CXCL13: variants seen among roughly 807,000 people sequenced by gnomAD.
CXCL13 encodes the protein C-X-C motif chemokine 13.
In CXCL13, 7 loss-of-function variants were observed where a neutral mutation model predicts 12.2. The ratio of observed to expected loss-of-function variants is 0.57; its 90% CI spans 0.33 to 1.07. The LOEUF is 1.07. CXCL13 is among the 50% of genes least tolerant of loss of function. The probability of loss-of-function intolerance (pLI) is 0.04; values close to 1 mark genes in which losing one functional copy is unlikely to be tolerated. For synonymous variants in CXCL13, 47 were observed against 42.4 expected, an observed-to-expected ratio of 1.11 and a Z score of -0.42; for missense variants, 113 against 127.4, an observed-to-expected ratio of 0.89 and a Z score of 0.55.
intron 2 of CXCL13, among the ~76,000 whole-genome samples, chr4:77,610,068 T>C (rs569440364): frequency 1.3e-5 from 2 of 152,364 alleles, no homozygotes; most frequent in South Asian, 2.1e-4. Flanking sequence ...TATTGCTTAA[T>C]ATCTTAGAGC....
At chr4:77,582,642 CAT>C (rs1434727514) in intron 1 of CXCL13, among the ~76,000 whole-genome samples, 1 of 152,084 alleles carries the variant, frequency 6.6e-6, no homozygotes, top group Non-Finnish European at 1.5e-5. Flanking sequence ...TCTTGCAGGT[CAT>C]GGTAAGAGGT....
rs117211853 is a variant in CXCL13, at chr4:77,586,654, C to A, written c.-42-19170C>A. Among the ~76,000 whole-genome samples the A allele has an allele frequency of 1.2e-4, 19 of 152,258 alleles. No individual in the cohort carries two copies. The East Asian group carries it at 3.5e-3, about 28-fold the overall frequency. The stretch of plus-strand genomic sequence containing the variant: ...AGGATCTCTGACAGTGGAGAAATAA[C>A]GACTTTCTGATGGACTGCTAGGGTG... On this transcript the variant is annotated intron_variant, in intron 1 of 4. Transcript: ENST00000286758.
intron 1 of CXCL13, among the ~76,000 whole-genome samples, chr4:77,587,136 A>G (rs1427345085): frequency 6.6e-6 from 1 of 152,214 alleles, no homozygotes; most frequent in Non-Finnish European, 1.5e-5. Context: ...CTTGTCAACA[A>G]GTTAGTCAAC....
chr4:77,597,721 A>G (rs1022410805), intron 1 of CXCL13, among the ~76,000 whole-genome samples: 4 of 152,112 alleles, frequency 2.6e-5, no homozygotes, highest in African/African-American at 9.7e-5. Flanking sequence ...GAATGGTGGA[A>G]GTGCACAAAT....
intron 1 of CXCL13, among the ~76,000 whole-genome samples, chr4:77,588,602 T>C (rs1364300173): frequency 1.3e-5 from 2 of 152,234 alleles, no homozygotes; most frequent in Non-Finnish European, 2.9e-5. Flanking sequence ...TTGTCAACAG[T>C]GGAGCTTCTC....
intron 1 of CXCL13, among the ~76,000 whole-genome samples, chr4:77,531,240 C>T (rs905548991): frequency 6.7e-6 from 1 of 149,944 alleles, no homozygotes; most frequent in Non-Finnish European, 1.5e-5. Context: ...CATCTTTTAG[C>T]ATTAGGTATA....
At chr4:77,570,427 T>C (rs1397067507) in intron 1 of CXCL13, among the ~76,000 whole-genome samples, 1 of 151,954 alleles carries the variant, frequency 6.6e-6, no homozygotes, top group Admixed American at 6.5e-5. Flanking sequence ...AACCAAACAA[T>C]CCCACTAAAA....
intron 1 of CXCL13, among the ~76,000 whole-genome samples, chr4:77,544,651 T>G (rs1725306369): frequency 6.6e-6 from 1 of 152,222 alleles, no homozygotes; most frequent in African/African-American, 2.4e-5. Flanking sequence ...TATTAGCCCT[T>G]TGTCAGATGG....
At chr4:77,559,995 T>C (rs1725767344) in intron 1 of CXCL13, among the ~76,000 whole-genome samples, 1 of 151,970 alleles carries the variant, frequency 6.6e-6, no homozygotes, top group Admixed American at 6.6e-5. Flanking sequence ...CCCCTTCACT[T>C]CCTAGAACTT....
chr4:77,579,873 TG>T (rs1184309088), intron 1 of CXCL13, among the ~76,000 whole-genome samples: 2 of 152,222 alleles, frequency 1.3e-5, no homozygotes. Flanking sequence ...TGAGCAATGC[TG>T]GTGACTAGAA....
At chr4:77,533,931 T>C (rs1724993080) in intron 1 of CXCL13, among the ~76,000 whole-genome samples, 1 of 152,214 alleles carries the variant, frequency 6.6e-6, no homozygotes, top group African/African-American at 2.4e-5. Context: ...GTGCCATCTG[T>C]CACCCCTTTC....
intron 1 of CXCL13, among the ~76,000 whole-genome samples, chr4:77,549,320 C>T (rs1725451839): frequency 6.6e-6 from 1 of 152,340 alleles, no homozygotes; most frequent in East Asian, 1.9e-4. Context: ...TACCAATCTT[C>T]TGAAGCCTAG....
intron 1 of CXCL13, among the ~76,000 whole-genome samples, chr4:77,562,246 A>C (rs1021134606): frequency 7.0e-6 from 1 of 143,260 alleles, no homozygotes; most frequent in African/African-American, 2.6e-5. Flanking sequence ...GGCTCCTGCG[A>C]GGCCTGAGCC....
intron 1 of CXCL13, among the ~76,000 whole-genome samples, chr4:77,555,855 C>T (rs928471589): frequency 6.6e-6 from 1 of 152,062 alleles, no homozygotes; most frequent in Non-Finnish European, 1.5e-5. Flanking sequence ...TCAATATATG[C>T]ATAGAAAGAT....
chr4:77,553,231 C>G (rs1367984861), intron 1 of CXCL13, among the ~76,000 whole-genome samples: 2 of 152,172 alleles, frequency 1.3e-5, no homozygotes, highest in African/African-American at 4.8e-5. Context: ...TGGGGGAGAG[C>G]AAAATTCCAG....
Position 77,573,803 on chromosome 4 carries a change from G to A in CXCL13, c.-42-32021G>A, listed in dbSNP as rs534603085. On this transcript the variant is annotated intron_variant, in intron 1 of 4. Transcript: ENST00000286758. ...GAATTCTTTCTGGTTTGATACCTGT[G>A]GGACTTTTACAATTTATTTATTCTT... Among the ~76,000 whole-genome samples the A allele has an allele frequency of 6.6e-5, 10 of 151,940 alleles. No individual in the cohort carries two copies. The South Asian group carries it at 2.1e-3, about 31-fold the overall frequency.
chr4:77,552,368 C>T (rs1725554078), intron 1 of CXCL13, among the ~76,000 whole-genome samples: 1 of 152,146 alleles, frequency 6.6e-6, no homozygotes, highest in Non-Finnish European at 1.5e-5. Flanking sequence ...CTTCTATAGT[C>T]CTGTGCATTT....
At chr4:77,528,196 T>C (rs890271880) in intron 1 of CXCL13, among the ~76,000 whole-genome samples, 1 of 152,164 alleles carries the variant, frequency 6.6e-6, no homozygotes, top group African/African-American at 2.4e-5. Context: ...ACATTTGGTT[T>C]GTTCCAAGTC....
Position 77,588,120 on chromosome 4 carries a change from G to C in CXCL13, c.-42-17704G>C, listed in dbSNP as rs1726522429. 2.1e-5 allele frequency among the ~76,000 whole-genome samples: 3 copies of C among 142,612 alleles called. No homozygotes were observed. In the Admixed American group the frequency reaches 2.1e-4, roughly 10 times the overall value. 93.6% of individuals were successfully genotyped at this position (142,612 alleles called of 152,430 possible). A position where few individuals can be genotyped will look rare whatever the true frequency, so the allele number is the denominator to read the frequency against. ...CATATCTTGAATTTTTTTCTTTTCT[G>C]ACCCTACAAAGGATTAAAAAAGGAA... On this transcript the variant is annotated intron_variant, in intron 1 of 4. Transcript: ENST00000286758.
Sources: allele counts gnomAD v4.1 joint callset (sites outside exome capture counted in the v4.1 genomes callset), GRCh38; gene constraint gnomAD v4.1.1; transcripts MANE v1.5; gene names NCBI Gene and HGNC (gene_info 2026-07-23, HGNC 2026-07-21).